The following VASP variants were observed in gnomAD, a reference collection of about 807,000 sequenced individuals.
VASP encodes vasodilator stimulated phosphoprotein.
Under a neutral mutation model 54.4 loss-of-function variants are expected in VASP, and 27 were observed. That is an observed-to-expected ratio of 0.50 (90% confidence interval 0.37 to 0.68). The LOEUF (loss-of-function observed/expected upper bound fraction) is 0.68, where lower values mean the gene tolerates loss of function less well. Among genes scored for constraint, VASP ranks in the 30% least tolerant of loss-of-function variants. The pLI, the probability that VASP is intolerant of heterozygous loss-of-function variation, is 0.00. For missense variants in VASP, 488 were observed against 528.3 expected, an observed-to-expected ratio of 0.92 and a Z score of 0.75; for synonymous variants, 233 against 209.8, an observed-to-expected ratio of 1.11 and a Z score of -0.96.
chr19:45,508,319 T>C (rs1350298416), intron 1 of VASP, among the ~76,000 whole-genome samples: 3 of 152,204 alleles, frequency 2.0e-5, no homozygotes, highest in Non-Finnish European at 4.4e-5. Context: ...CCCCTGGATT[T>C]TGGGGGTCAC....
intron 9 of VASP, 47 bp from the exon 10 acceptor site, chr19:45,524,050 G>C (rs1968905343): frequency 6.2e-7 from 1 of 1,612,620 alleles, no homozygotes; most frequent in Admixed American, 1.7e-5. Flanking sequence ...ATTGATTGGG[G>C]GGCAGTCTTT....
At chr19:45,521,615 G>A (rs1245285437) in intron 4 of VASP, among the ~76,000 whole-genome samples, 3 of 152,242 alleles carry the variant, frequency 2.0e-5, no homozygotes, top group African/African-American at 2.4e-5. Flanking sequence ...GTGGCTGGGC[G>A]TGGTGGCTCA....
Position 45,522,553 on chromosome 19 carries a change from C to G in VASP, c.692C>G (p.Ala231Gly). 4 of 1,459,726 alleles carry G rather than the reference C, an allele frequency of 2.7e-6. No homozygotes were observed. In the South Asian group the frequency reaches 5.7e-5, roughly 21 times the overall value. 90.4% of individuals were successfully genotyped at this position (1,459,726 alleles called of 1,614,324 possible). Residue 231 changes from alanine (A) to glycine (G), a missense_variant, in exon 6 of 13, where the codon GCT (alanine) becomes GGT (glycine). By Grantham distance (60) the Ala-to-Gly change is moderately conservative (BLOSUM62 0). Around this residue, in one of 4 missense-constraint regions of VASP, gnomAD observed 226 missense variants for 196.0 expected, o/e 1.15. Transcript: ENST00000245932. ...GCCCCAGGCCTGGCCGCAGCTATTG[C>G]TGGAGCCAAACTCAGGAAAGTCAGC... ...AGAPGLAAAI[A>G]GAKLRKVSKQ...
intron 1 of VASP, among the ~76,000 whole-genome samples, chr19:45,511,862 C>T (rs1009704196): frequency 7.2e-5 from 11 of 152,172 alleles, no homozygotes; most frequent in Admixed American, 3.3e-4. Flanking sequence ...TTTGGGAGGT[C>T]GAGGCAGGCA....
chr19:45,525,732 G>T, intron 11 of VASP: 1 of 489,102 alleles, frequency 2.0e-6, no homozygotes, highest in East Asian at 3.5e-5. Context: ...ACCTGATTGT[G>T]GCGGCAGGTG....
rs533996641 is a variant in VASP, at chr19:45,515,040, A to G, written c.6-2623A>G. 1.6e-4 allele frequency among the ~76,000 whole-genome samples: 25 copies of G among 152,272 alleles called. No individual in the cohort carries two copies. In the South Asian group the frequency reaches 5.2e-3, roughly 32 times the overall value. On this transcript the variant is annotated intron_variant, in intron 1 of 12. Transcript: ENST00000245932. ...ATGAGTGACTTTGGGGGAGGGGCTT[A>G]AGGCCCCTGATCCACCTGAAATGCC...
At chr19:45,520,472 G>C (rs1398988482) in intron 3 of VASP, among the ~76,000 whole-genome samples, 1 of 152,214 alleles carries the variant, frequency 6.6e-6, no homozygotes, top group Non-Finnish European at 1.5e-5. Context: ...TAGTGCGGAA[G>C]GGGCTTGCTC....
chr19:45,518,154 C>T (rs530855173), intron 3 of VASP, 60 bp downstream of exon 3: 30 of 1,560,360 alleles, frequency 1.9e-5, no homozygotes, highest in South Asian at 1.7e-4. Flanking sequence ...CTGGGGCTGC[C>T]GCTTTACCCT....
At chr19:45,517,153 T>G (rs537161768) in intron 1 of VASP, among the ~76,000 whole-genome samples, 1 of 149,974 alleles carries the variant, frequency 6.7e-6, no homozygotes, top group East Asian at 2.0e-4. Context: ...AAAATAAAAA[T>G]AATAATAATA....
chr19:45,519,985 A>C (rs57235611), intron 3 of VASP, among the ~76,000 whole-genome samples: 6 of 136,662 alleles, frequency 4.4e-5, no homozygotes, highest in Non-Finnish European at 9.2e-5. Flanking sequence ...GTTCACTGCA[A>C]CCTCCGCCTC....
chr19:45,521,482 G>C (rs1180610770), intron 4 of VASP, 76 bp downstream of exon 4: 1 of 1,315,284 alleles, frequency 7.6e-7, no homozygotes, highest in Non-Finnish European at 1.0e-6. Context: ...GACTCCTAGA[G>C]TTCAGAACCC....
At position 45,507,679 on chromosome 19, in the gene VASP, A is replaced by G; in HGVS notation, c.-93A>G. On this transcript the variant is annotated 5_prime_UTR_variant, in exon 1 of 13. Coordinates refer to ENST00000245932, the MANE Select transcript of VASP (RefSeq NM_003370.4). This position sits in a 1 kb window ranked among gnomAD's most constrained non-coding sequence, Gnocchi z 4.4. Reference sequence around the variant, plus strand: ...CGGGACCCTGGGGGAGCCTGAGCCGAGCCCGGAGCCAGCCCCGAACCCCTG... The same window carrying G: ...CGGGACCCTGGGGGAGCCTGAGCCGGGCCCGGAGCCAGCCCCGAACCCCTG... 1.4e-6 allele frequency: 2 copies of G among 1,480,050 alleles called. No homozygotes were observed. The highest frequency in any genetic ancestry group is 1.8e-6 in the Non-Finnish European group (2 of 1,108,244). 91.7% of individuals were successfully genotyped at this position (1,480,050 alleles called of 1,614,324 possible).
intron 1 of VASP, among the ~76,000 whole-genome samples, chr19:45,515,390 C>T (rs1968681496): frequency 6.6e-6 from 1 of 152,170 alleles, no homozygotes; most frequent in Non-Finnish European, 1.5e-5. Context: ...AGTTTCCTCA[C>T]TGGGGGAGAG....
intron 1 of VASP, among the ~76,000 whole-genome samples, chr19:45,511,711 A>C (rs1372079688): frequency 6.6e-6 from 1 of 152,150 alleles, no homozygotes; most frequent in Non-Finnish European, 1.5e-5. Flanking sequence ...AGTTTTATTT[A>C]TTGAACTTAA....
rs755038640 is a variant in VASP, at chr19:45,523,884, A to C, written c.910+7A>C. The C allele has an allele frequency of 1.2e-6, 2 of 1,607,676 alleles. No homozygotes were observed. The highest frequency in any genetic ancestry group is 1.7e-6 in the Non-Finnish European group (2 of 1,179,774). ...AGAGTCCCGGCCCAGAGTGGTGAGT[A>C]GAGTGCCCAGTCCAGCCACAGGAAC... On this transcript the variant is annotated splice_region_variant and intron_variant, in intron 9 of 12. Coordinates refer to ENST00000245932, the MANE Select transcript of VASP (RefSeq NM_003370.4).
chr19:45,518,637 C>T (rs2066602647), intron 3 of VASP, among the ~76,000 whole-genome samples: 2 of 152,156 alleles, frequency 1.3e-5, no homozygotes, highest in South Asian at 4.1e-4. Flanking sequence ...AGGCACACTC[C>T]CGGGAAACCA....
chr19:45,522,000 T>C lies in VASP; in HGVS notation c.429-168T>C, dbSNP rs73568938. Among the ~76,000 whole-genome samples the C allele has an allele frequency of 3.1e-3, 470 of 152,188 alleles. 1 individual carries two copies. The highest frequency in any genetic ancestry group is 0.01 in the African/African-American group (436 of 41,540). On this transcript the variant is annotated intron_variant, in intron 4 of 12. Transcript: ENST00000245932. Reference sequence around the variant, plus strand: ...TCGCTGCCCTGCCCTCCATTCCCCCTACTCTCACCCAGCCCCCTTCTTGGT... The same window carrying C: ...TCGCTGCCCTGCCCTCCATTCCCCCCACTCTCACCCAGCCCCCTTCTTGGT...
At chr19:45,523,562 AG>A in intron 7 of VASP, 81 bp from the exon 8 acceptor site, 2 of 1,503,126 alleles carry the variant, frequency 1.3e-6, no homozygotes, top group South Asian at 1.2e-5. Flanking sequence ...TCTATGCGCT[AG>A]GATCTACATT....
At chr19:45,523,716 G>T (rs1479017138) in intron 8 of VASP, 21 bp downstream of exon 8, 13 of 1,613,996 alleles carry the variant, frequency 8.1e-6, no homozygotes, top group African/African-American at 1.3e-5. Flanking sequence ...GACTCTTCTT[G>T]CCCTACATCT....
Sources: gnomAD v4.1 joint callset for allele counts (sites outside exome capture counted in the v4.1 genomes callset) on GRCh38, gnomAD v4.1.1 for gene constraint, gnomAD v4.1.1 regional missense constraint, Gnocchi (gnomAD v3.1) non-coding constraint, MANE v1.5 for transcripts, NCBI Gene and HGNC (gene_info 2026-07-23, HGNC 2026-07-21) for gene names.